The following CEP68 variants were observed in gnomAD, a reference collection of about 807,000 sequenced individuals.
CEP68 encodes centrosomal protein of 68 kDa.
In CEP68, 26 loss-of-function variants were observed where a neutral mutation model predicts 55.3. The observed-to-expected ratio is 0.47, with a 90% CI of 0.34 to 0.65. The LOEUF (loss-of-function observed/expected upper bound fraction) is 0.65, where lower values mean the gene tolerates loss of function less well. Ranked by LOEUF, CEP68 falls within the 30% of genes least tolerant of loss-of-function variation. The probability of loss-of-function intolerance (pLI) is 0.01; values close to 1 mark genes in which losing one functional copy is unlikely to be tolerated. For synonymous variants in CEP68, 402 were observed against 383.2 expected, an observed-to-expected ratio of 1.05 and a Z score of -0.57; for missense variants, 957 against 946.7, an observed-to-expected ratio of 1.01 and a Z score of -0.14.
intron 1 of CEP68, among the ~76,000 whole-genome samples, chr2:65,061,010 C>A (rs1039631933): frequency 6.6e-6 from 1 of 152,120 alleles, no homozygotes; most frequent in South Asian, 2.1e-4. Flanking sequence ...AACCCTGTCT[C>A]TACTAAAAAT....
At position 65,071,871 on chromosome 2, in the gene CEP68, G is replaced by A; in HGVS notation, c.775G>A (p.Ala259Thr). 1 of 1,609,220 alleles carries A rather than the reference G, an allele frequency of 6.2e-7. No homozygotes were observed. The highest frequency in any genetic ancestry group is 8.5e-7 in the Non-Finnish European group (1 of 1,177,508). The change falls in exon 3 of 7, where the codon GCT becomes ACT. Residue 259 changes from alanine (A) to threonine (T), a missense_variant. By Grantham distance (58) the Ala-to-Thr change is moderately conservative. Coordinates refer to ENST00000377990, the MANE Select transcript of CEP68 (RefSeq NM_015147.3). ...ACAGCCTGTGTTCTCTGGGGGTGAT[G>A]CTTCTGGGCTAGGCAGGAGACGCCT... is the stretch of plus-strand genomic sequence containing the variant. The part of the protein sequence containing the change: ...SPQPVFSGGD[A>T]SGLGRRRLSF...
rs1212233267 is a variant in CEP68 at position 65,069,633 on chromosome 2, C to T, written c.189C>T (p.Ala63=). ...SPVWGAEGIP[A]PTCWIGTDPG... is the part of the protein sequence containing the mutation. ...TATGGGGGGCAGAAGGGATACCTGC[C>T]CCTACTTGCTGGATTGGGACTGACC... Residue 63 remains alanine (A), a synonymous_variant, in exon 2 of 7, where the codon GCC becomes GCT. Transcript: ENST00000377990. 6.2e-7 allele frequency: 1 copy of T among 1,614,066 alleles called. No individual in the cohort carries two copies. Among genetic ancestry groups the T allele is most frequent in the Non-Finnish European group, 8.5e-7 (1 of 1,180,036 alleles).
Position 65,084,435 on chromosome 2 carries a change from C to CAGTA in CEP68, c.*806_*809dup, listed in dbSNP as rs1466046912. On this transcript the variant is annotated 3_prime_UTR_variant, in exon 7 of 7. Coordinates refer to ENST00000377990, the MANE Select transcript of CEP68 (RefSeq NM_015147.3). ...AGGGAAGGGAACGGATAGGATGACACAGTAAGTACAGAAACTGAAGCTGTC... is the reference window on the plus strand; with the variant it reads ...AGGGAAGGGAACGGATAGGATGACACAGTAAGTAAGTACAGAAACTGAAGCTGTC... The CAGTA allele has an allele frequency of 6.6e-6, 1 of 151,316 alleles. No homozygotes were observed. Among genetic ancestry groups the CAGTA allele is most frequent in the East Asian group, 1.9e-4 (1 of 5,176 alleles). The allele number at this position is 151,316 out of a possible 1,614,324, so 9.4% of individuals were successfully genotyped here. A position where few individuals can be genotyped will look rare whatever the true frequency, so the allele number is the denominator to read the frequency against.
intron 1 of CEP68, among the ~76,000 whole-genome samples, chr2:65,058,507 T>A (rs1675760322): frequency 7.3e-6 from 1 of 136,138 alleles, no homozygotes; most frequent in African/African-American, 2.8e-5. Flanking sequence ...CTTTTTTTTT[T>A]TTTTTTTTTT....
intron 1 of CEP68, among the ~76,000 whole-genome samples, chr2:65,066,436 A>G (rs946784597): frequency 2.0e-5 from 3 of 151,940 alleles, no homozygotes; most frequent in African/African-American, 7.3e-5. Flanking sequence ...CTCTATTAAA[A>G]ATACAAAAAT....
Position 65,083,875 on chromosome 2 carries a change from T to C in CEP68, c.*241T>C, listed in dbSNP as rs902052564. The C allele has an allele frequency of 6.6e-5, 10 of 152,224 alleles. No individual in the cohort carries two copies. The highest frequency in any genetic ancestry group is 2.4e-4 in the African/African-American group (10 of 41,456). 9.4% of individuals were successfully genotyped at this position (152,224 alleles called of 1,614,324 possible). A position where few individuals can be genotyped will look rare whatever the true frequency, so the allele number is the denominator to read the frequency against. ...TTGGTGCTTCTCCACAAAGAGCGTGTAGCTTTGCAATTTTTGATAAAATAA... is the reference window on the plus strand; with the variant it reads ...TTGGTGCTTCTCCACAAAGAGCGTGCAGCTTTGCAATTTTTGATAAAATAA... On this transcript the variant is annotated 3_prime_UTR_variant, in exon 7 of 7. Transcript: ENST00000377990.
chr2:65,058,101 T>C (rs1410093518), intron 1 of CEP68, among the ~76,000 whole-genome samples: 1 of 152,242 alleles, frequency 6.6e-6, no homozygotes, highest in Non-Finnish European at 1.5e-5. Context: ...CTGTTAGCTG[T>C]TAGCAGTCGT....
At chr2:65,073,949 T>C (rs2103782392) in intron 3 of CEP68, 1 of 238,582 alleles carries the variant, frequency 4.2e-6, no homozygotes, top group South Asian at 6.7e-5. Context: ...AACATGGACG[T>C]ATCTGGCTCC....
At chr2:65,060,452 G>A (rs1392894374) in intron 1 of CEP68, among the ~76,000 whole-genome samples, 3 of 150,258 alleles carry the variant, frequency 2.0e-5, no homozygotes, top group East Asian at 1.9e-4. Flanking sequence ...TGTCAGGGCC[G>A]GGCACAGTGG....
At chr2:65,080,228 T>G (rs1676945480) in intron 5 of CEP68, 1 of 984,990 alleles carries the variant, frequency 1.0e-6, no homozygotes, top group Non-Finnish European at 1.2e-6. Flanking sequence ...CCCACTTTGC[T>G]CTCTCAAGAG....
At position 65,071,907 on chromosome 2, in the gene CEP68, G is replaced by A. The variant is rs1676484278; in HGVS notation, c.811G>A (p.Ala271Thr). 6.2e-7 allele frequency: 1 copy of A among 1,612,952 alleles called. No homozygotes were observed. Among genetic ancestry groups the A allele is most frequent in the Admixed American group, 1.7e-5 (1 of 59,956 alleles). The change falls in exon 3 of 7, where the codon GCT becomes ACT. Residue 271 changes from alanine (A) to threonine (T), a missense_variant. Physicochemically the swap from Ala to Thr is moderately conservative, Grantham distance 58. Transcript: ENST00000377990. ...GLGRRRLSFQ[A>T]EYWACVLPDS... The stretch of plus-strand genomic sequence containing the variant: ...AGGCAGGAGACGCCTCTCCTTCCAG[G>A]CTGAGTACTGGGCCTGTGTGCTGCC...
intron 1 of CEP68, among the ~76,000 whole-genome samples, chr2:65,069,168 G>A (rs1370860481): frequency 1.3e-5 from 2 of 152,162 alleles, no homozygotes; most frequent in African/African-American, 4.8e-5. Flanking sequence ...TGGTGGGGAT[G>A]GCACCATCCA....
intron 4 of CEP68, among the ~76,000 whole-genome samples, chr2:65,075,467 TTTC>T (rs1226197361): frequency 1.3e-5 from 2 of 152,138 alleles, no homozygotes; most frequent in South Asian, 2.1e-4. Flanking sequence ...TGGTTTTAGT[TTTC>T]TTGTTTCTTT....
intron 1 of CEP68, among the ~76,000 whole-genome samples, chr2:65,063,678 C>A (rs1676017812): frequency 6.6e-6 from 1 of 152,194 alleles, no homozygotes; most frequent in Non-Finnish European, 1.5e-5. Flanking sequence ...GAAGACCAGA[C>A]CTTCATGCAG....
rs1490062913 is a variant in CEP68 at position 65,084,349 on chromosome 2, G to C, written c.*715G>C. On this transcript the variant is annotated 3_prime_UTR_variant, in exon 7 of 7. Coordinates refer to ENST00000377990, the MANE Select transcript of CEP68 (RefSeq NM_015147.3). The stretch of plus-strand genomic sequence containing the variant: ...TGGAGCTAATTATCAAGCTTAAAGG[G>C]TAACTTTGGGAGGACTCCTCCCTTC... 1 of 152,116 alleles carries C rather than the reference G, an allele frequency of 6.6e-6. No homozygotes were observed. Among genetic ancestry groups the C allele is most frequent in the Non-Finnish European group, 1.5e-5 (1 of 68,020 alleles). The allele number at this position is 152,116 out of a possible 1,614,324, so 9.4% of individuals were successfully genotyped here.
Position 65,072,292 on chromosome 2 carries a change from C to T in CEP68, c.1196C>T (p.Ser399Phe), listed in dbSNP as rs1676516441. 4 of 1,613,974 alleles carry T rather than the reference C, an allele frequency of 2.5e-6. No individual in the cohort carries two copies. In the South Asian group the frequency reaches 3.3e-5, roughly 13 times the overall value. Reference sequence around the variant, plus strand: ...TTGGCATCTTGGAGCCAACTTGCATCTACCCCCAGAGCCCCAGGCAGTAGG... The same window carrying T: ...TTGGCATCTTGGAGCCAACTTGCATTTACCCCCAGAGCCCCAGGCAGTAGG... ...MGLASWSQLA[S>F]TPRAPGSRDA... The change falls in exon 3 of 7, where the codon TCT (serine) becomes TTT (phenylalanine). Residue 399 changes from serine to phenylalanine, a missense_variant. Ser to Phe is a radical substitution (Grantham distance 155, BLOSUM62 -2). Transcript: ENST00000377990.
chr2:65,063,313 T>A (rs995956419), intron 1 of CEP68, among the ~76,000 whole-genome samples: 1 of 152,234 alleles, frequency 6.6e-6, no homozygotes, highest in African/African-American at 2.4e-5. Flanking sequence ...TACAGACCTT[T>A]CTCAGAGGGT....
Position 65,083,701 on chromosome 2 carries a change from T to TC in CEP68, c.*68dup, listed in dbSNP as rs1668937191. The stretch of plus-strand genomic sequence containing the variant: ...CACTGGCTAGTGAGAAAAAAAACCT[T>TC]CAAGAAGTCCTTGCAAGAGCCATTC... On this transcript the variant is annotated 3_prime_UTR_variant, in exon 7 of 7. Transcript: ENST00000377990. 1 of 152,158 alleles carries TC rather than the reference T, an allele frequency of 6.6e-6. No individual in the cohort carries two copies. Among genetic ancestry groups the TC allele is most frequent in the Non-Finnish European group, 1.5e-5 (1 of 68,012 alleles). The allele number at this position is 152,158 out of a possible 1,614,324, so 9.4% of individuals were successfully genotyped here. A position where few individuals can be genotyped will look rare whatever the true frequency, so the allele number is the denominator to read the frequency against.
At chr2:65,078,634 C>G (rs1299997745) in intron 5 of CEP68, among the ~76,000 whole-genome samples, 2 of 152,194 alleles carry the variant, frequency 1.3e-5, no homozygotes, top group African/African-American at 2.4e-5. Flanking sequence ...ACCTGCCTCC[C>G]AGGTTCAAGT....
Sources: allele counts gnomAD v4.1 joint callset (sites outside exome capture counted in the v4.1 genomes callset), GRCh38; gene constraint gnomAD v4.1.1; transcripts MANE v1.5; gene names NCBI Gene and HGNC (gene_info 2026-07-23, HGNC 2026-07-21).